Variants in SCN8A observed in about 807,000 individuals in gnomAD.
SCN8A encodes sodium channel protein type 8 subunit alpha.
In SCN8A, 30 loss-of-function variants were observed where a neutral mutation model predicts 184.1. The ratio of observed to expected loss-of-function variants is 0.16; its 90% CI spans 0.12 to 0.22. The LOEUF (loss-of-function observed/expected upper bound fraction) is 0.22. Among genes scored for constraint, SCN8A ranks in the 10% least tolerant of loss-of-function variants. The probability of loss-of-function intolerance (pLI) is 1.00; values close to 1 mark genes in which losing one functional copy is unlikely to be tolerated. For missense variants in SCN8A, 1,057 were observed against 2,498.9 expected (o/e 0.42, Z 12.30); for synonymous variants, 852 against 907.0 (o/e 0.94, Z 1.09).
At chr12:51,712,490 C>A in intron 11 of SCN8A, 1 of 769,792 alleles carries the variant, frequency 1.3e-6, no homozygotes. Flanking sequence ...ATATCCACCA[C>A]TTCCACCACT....
At chr12:51,653,713 C>A (rs561293913) in intron 1 of SCN8A, among the ~76,000 whole-genome samples, 1 of 152,160 alleles carries the variant, frequency 6.6e-6, no homozygotes, top group South Asian at 2.1e-4. Context: ...TATGGTAATC[C>A]TATGCTTAAT....
chr12:51,706,494 G>T lies in SCN8A; in HGVS notation c.1414G>T (p.Gly472Cys), dbSNP rs1298177137. The T allele has an allele frequency of 2.5e-6, 4 of 1,605,276 alleles. No individual in the cohort carries two copies. The highest frequency in any genetic ancestry group is 2.6e-6 in the Non-Finnish European group (3 of 1,175,924). ...AGAGGAAGAAGGTGAAGAAGGAGGGGGCTCCCCTCGGAGCTCTTCTGAAAT... is the reference window on the plus strand; with the variant it reads ...AGAGGAAGAAGGTGAAGAAGGAGGGTGCTCCCCTCGGAGCTCTTCTGAAAT... Reference protein sequence around the residue: ...AIEEEGEEGGGSPRSSSEISK... With the variant: ...AIEEEGEEGGCSPRSSSEISK... The change falls in exon 11 of 27, where the codon GGC becomes TGC. Residue 472 changes from glycine to cysteine, a missense_variant. Transcript: ENST00000627620.
intron 11 of SCN8A, among the ~76,000 whole-genome samples, chr12:51,708,339 T>G (rs1941818473): frequency 2.6e-5 from 4 of 152,116 alleles, no homozygotes; most frequent in Admixed American, 2.6e-4. Context: ...ATAAGGAAAC[T>G]AAGCAAAAAA....
At chr12:51,597,483 G>A (rs181913539) in intron 1 of SCN8A, among the ~76,000 whole-genome samples, 34 of 152,212 alleles carry the variant, frequency 2.2e-4, no homozygotes, top group African/African-American at 7.9e-4. Flanking sequence ...GAATTATACA[G>A]TTATTTATTT....
chr12:51,764,797 C>G (rs1330781278), intron 15 of SCN8A, among the ~76,000 whole-genome samples: 1 of 143,212 alleles, frequency 7.0e-6, no homozygotes, highest in Non-Finnish European at 1.5e-5. Context: ...TTTTCTTAGA[C>G]ATAGTCTCAT....
At position 51,807,322 on chromosome 12, in the gene SCN8A, T is replaced by A. The variant is rs376076659; in HGVS notation, c.5836T>A (p.Ser1946Thr). ...ESTPSTASLPSYDSVTKPEKE... is the reference protein window; with the variant it reads ...ESTPSTASLPTYDSVTKPEKE... ...CACCCCATCTACAGCCTCCCTCCCG[T>A]CCTATGACAGTGTAACTAAACCTGA... is the stretch of plus-strand genomic sequence containing the variant. Residue 1946 changes from serine to threonine, a missense_variant, in exon 27 of 27, where the codon TCC (serine) becomes ACC (threonine). Physicochemically the swap from Ser to Thr is moderately conservative, Grantham distance 58. Around this residue, in one of 19 missense-constraint regions of SCN8A, gnomAD observed 95 missense variants for 140.2 expected, o/e 0.68. Coordinates refer to ENST00000627620, the MANE Select transcript of SCN8A (RefSeq NM_001330260.2). The surrounding 1 kb of genome is among the most constrained non-coding windows in gnomAD (Gnocchi z 4.5). 1.2e-6 allele frequency: 2 copies of A among 1,613,372 alleles called. No individual in the cohort carries two copies. The highest frequency in any genetic ancestry group is 1.7e-6 in the Non-Finnish European group (2 of 1,179,776).
chr12:51,602,063 T>C (rs756703050), intron 1 of SCN8A, among the ~76,000 whole-genome samples: 13 of 152,044 alleles, frequency 8.6e-5, no homozygotes, highest in Non-Finnish European at 1.2e-4. Flanking sequence ...AGTTTTTTTG[T>C]TTTTTCCTTC....
At chr12:51,710,527 C>T (rs1941856875) in intron 11 of SCN8A, among the ~76,000 whole-genome samples, 1 of 152,044 alleles carries the variant, frequency 6.6e-6, no homozygotes, top group African/African-American at 2.4e-5. Context: ...GGCGTGGTGG[C>T]CCATGCCTGT....
chr12:51,674,576 C>G (rs1371647223), intron 2 of SCN8A, among the ~76,000 whole-genome samples: 1 of 152,126 alleles, frequency 6.6e-6, no homozygotes, highest in Non-Finnish European at 1.5e-5. Flanking sequence ...CTCAGGTAAT[C>G]CACCCGCCTC....
intron 1 of SCN8A, among the ~76,000 whole-genome samples, chr12:51,606,498 G>C (rs1240763226): frequency 6.6e-6 from 1 of 152,280 alleles, no homozygotes; most frequent in Non-Finnish European, 1.5e-5. Context: ...TGGCCTTATA[G>C]TATAGTTTGA....
chr12:51,608,165 C>A (rs557693164), intron 1 of SCN8A, among the ~76,000 whole-genome samples: 2 of 151,778 alleles, frequency 1.3e-5, no homozygotes, highest in Admixed American at 6.6e-5. Context: ...GGGCTACAGG[C>A]GCCCACCACC....
chr12:51,606,745 TGTC>T (rs1234754794), intron 1 of SCN8A, among the ~76,000 whole-genome samples: 1 of 152,110 alleles, frequency 6.6e-6, no homozygotes, highest in East Asian at 1.9e-4. Flanking sequence ...CATTTATTTG[TGTC>T]GTCTATGATT....
chr12:51,609,992 A>G (rs976450525), intron 1 of SCN8A, among the ~76,000 whole-genome samples: 2 of 151,734 alleles, frequency 1.3e-5, no homozygotes, highest in Non-Finnish European at 2.9e-5. Context: ...ACAATAAAAT[A>G]AAATAAATAA....
intron 2 of SCN8A, among the ~76,000 whole-genome samples, chr12:51,678,383 A>C (rs567099142): frequency 3.9e-5 from 6 of 152,344 alleles, no homozygotes; most frequent in African/African-American, 1.2e-4. Context: ...CTAACTCAAG[A>C]GAGTTCTACA....
intron 21 of SCN8A, among the ~76,000 whole-genome samples, chr12:51,781,195 T>C (rs1436199536): frequency 6.6e-6 from 1 of 152,132 alleles, no homozygotes; most frequent in Admixed American, 6.5e-5. Context: ...GACTGTGGCC[T>C]TGGGGTCACT....
intron 1 of SCN8A, among the ~76,000 whole-genome samples, chr12:51,637,284 A>G (rs1055690897): frequency 1.3e-5 from 2 of 152,150 alleles, no homozygotes; most frequent in African/African-American, 2.4e-5. Context: ...ATAGCCTTAC[A>G]TGGCCTCTTA....
intron 1 of SCN8A, among the ~76,000 whole-genome samples, chr12:51,623,211 T>A (rs1940001027): frequency 6.6e-6 from 1 of 152,218 alleles, no homozygotes; most frequent in Non-Finnish European, 1.5e-5. Flanking sequence ...ATGCTGCTAG[T>A]AGGCCCTCTC....
Position 51,780,788 on chromosome 12 carries a change from A to G in SCN8A, c.3942+17A>G, listed in dbSNP as rs1204985593. ...GGGATGAGGGTAAGATACTAAGAGCAGCTGATCCTTCTGCATGCCAGTGGA... is the reference window on the plus strand; with the variant it reads ...GGGATGAGGGTAAGATACTAAGAGCGGCTGATCCTTCTGCATGCCAGTGGA... On this transcript the variant is annotated intron_variant, in intron 21 of 26. Coordinates refer to ENST00000627620, the MANE Select transcript of SCN8A (RefSeq NM_001330260.2). The G allele has an allele frequency of 1.3e-6, 2 of 1,567,542 alleles. No individual in the cohort carries two copies. Among genetic ancestry groups the G allele is most frequent in the East Asian group, 2.3e-5 (1 of 43,084 alleles).
chr12:51,671,160 A>G (rs1941123786), intron 2 of SCN8A, among the ~76,000 whole-genome samples: 1 of 151,970 alleles, frequency 6.6e-6, no homozygotes, highest in African/African-American at 2.4e-5. Context: ...CTAAATTATA[A>G]TCTTTAAAAG....
Sources: gnomAD v4.1 joint callset for allele counts (sites outside exome capture counted in the v4.1 genomes callset) on GRCh38, gnomAD v4.1.1 for gene constraint, gnomAD v4.1.1 regional missense constraint, Gnocchi (gnomAD v3.1) non-coding constraint, MANE v1.5 for transcripts, NCBI Gene and HGNC (gene_info 2026-07-23, HGNC 2026-07-21) for gene names.